Variants in PRPF8 observed in about 807,000 individuals in gnomAD.
PRPF8 encodes the protein pre-mRNA-processing-splicing factor 8.
Under a neutral mutation model 285.9 loss-of-function variants are expected in PRPF8, and 64 were observed. The ratio of observed to expected loss-of-function variants is 0.22; its 90% CI spans 0.18 to 0.28. The LOEUF is 0.28. Ranked by LOEUF, PRPF8 falls within the 10% of genes least tolerant of loss-of-function variation. PRPF8 has a pLI of 1.00. For missense variants in PRPF8, 1,426 were observed against 3,026.7 expected (o/e 0.47, Z 12.41); for synonymous variants, 1,325 against 1,118.2 (o/e 1.18, Z -3.69).
intron 6 of PRPF8, 141 bp downstream of exon 6, chr17:1,681,337 T>C: frequency 9.2e-7 from 1 of 1,091,230 alleles, no homozygotes; most frequent in Non-Finnish European, 1.4e-6. Flanking sequence ...TGCCTCAGCT[T>C]CCCAAAGTGC....
In PRPF8 at chr17:1,658,172, A is replaced by T. The variant is rs574880091; in HGVS notation, c.5505+81T>A. The T allele has an allele frequency of 1.3e-6, 2 of 1,599,130 alleles. No homozygotes were observed. Among genetic ancestry groups the T allele is most frequent in the African/African-American group, 1.3e-5 (1 of 74,692 alleles). Reference sequence around the variant, plus strand: ...GATGTTCTCAGCCTTTCATCTAATAAACCAGTAAATATTACCAAGTCCACC... The same window carrying T: ...GATGTTCTCAGCCTTTCATCTAATATACCAGTAAATATTACCAAGTCCACC... On this transcript the variant is annotated intron_variant, in intron 34 of 42. Transcript: ENST00000304992. The surrounding 1 kb of genome is among the most constrained non-coding windows in gnomAD (Gnocchi z 4.1).
At chr17:1,665,783 T>C (rs1567682451) in intron 24 of PRPF8, among the ~76,000 whole-genome samples, 1 of 148,300 alleles carries the variant, frequency 6.7e-6, no homozygotes, top group Non-Finnish European at 1.5e-5. Context: ...AGGGCGGAGG[T>C]TGCAGTGAGC....
chr17:1,683,640 C>T lies in PRPF8; in HGVS notation c.162G>A (p.Val54=), dbSNP rs1384400399. 1 of 1,614,170 alleles carries T rather than the reference C, an allele frequency of 6.2e-7. No individual in the cohort carries two copies. Among genetic ancestry groups the T allele is most frequent in the African/African-American group, 1.3e-5 (1 of 75,020 alleles). The stretch of plus-strand genomic sequence containing the variant: ...GGGGCATGTCTTCCTTCTGGGCATC[C>T]ACAAACCCAAACTTCCGCTTTTCTG... ...RYAEKRKFGF[V]DAQKEDMPPE... Residue 54 remains valine (V), a synonymous_variant, in exon 3 of 43, where the codon GTG becomes GTA. Transcript: ENST00000304992.
At position 1,676,682 on chromosome 17, in the gene PRPF8, A is replaced by G. The variant is rs1246274922; in HGVS notation, c.2211T>C (p.Asn737=). The G allele has an allele frequency of 1.7e-5, 28 of 1,614,004 alleles. No homozygotes were observed. The highest frequency in any genetic ancestry group is 2.3e-5 in the Non-Finnish European group (27 of 1,180,048). Residue 737 remains asparagine, a synonymous_variant, in exon 16 of 43, where the codon AAT becomes AAC. Coordinates refer to ENST00000304992, the MANE Select transcript of PRPF8 (RefSeq NM_006445.4). This position sits in a 1 kb window ranked among gnomAD's most constrained non-coding sequence, Gnocchi z 6.3. The stretch of plus-strand genomic sequence containing the variant: ...TGGCCTTCACGTATCGAAGGATCAT[A>G]TTCTCTATGGGCGTCGGCAGCCCAG... ...KVPGLPTPIE[N]MILRYVKAKA... is the part of the protein sequence containing the mutation.
chr17:1,677,644 T>A lies in PRPF8; in HGVS notation c.1905A>T (p.Arg635=). 6.2e-7 allele frequency: 1 copy of A among 1,613,682 alleles called. No individual in the cohort carries two copies. The part of the protein sequence containing the change: ...PGCGFWAAGW[R]VWLFFMRGIT... ...TGCCACGCATGAAAAAGAGCCAGAC[T>A]CGCCAACCGGCAGCCCAGAAGCCAC... Residue 635 remains arginine, a synonymous_variant, in exon 14 of 43, where the codon CGA becomes CGT. Transcript: ENST00000304992.
intron 37 of PRPF8, 44 bp downstream of exon 37, chr17:1,655,306 C>T: frequency 6.2e-7 from 1 of 1,608,526 alleles, no homozygotes; most frequent in South Asian, 1.1e-5. Context: ...CCCCAGAAAA[C>T]CGTATATAGA....
chr17:1,661,873 T>C lies in PRPF8; in HGVS notation c.4022+33A>G. On this transcript the variant is annotated intron_variant, in intron 25 of 42. Coordinates refer to ENST00000304992, the MANE Select transcript of PRPF8 (RefSeq NM_006445.4). This position sits in a 1 kb window ranked among gnomAD's most constrained non-coding sequence, Gnocchi z 7.3. ...CCCACTTCCCTTAGGGCCTGAGCAA[T>C]AGGGTTTAGAAATACGTTGAACCAG... The C allele has an allele frequency of 2.5e-6, 4 of 1,614,062 alleles. No homozygotes were observed. Among genetic ancestry groups the C allele is most frequent in the Non-Finnish European group, 3.4e-6 (4 of 1,180,020 alleles).
chr17:1,669,232 G>A (rs1245572144), intron 24 of PRPF8, among the ~76,000 whole-genome samples: 2 of 152,078 alleles, frequency 1.3e-5, no homozygotes, highest in African/African-American at 4.8e-5. Context: ...TCAGCCTCCC[G>A]AGTAGCTGAG....
intron 1 of PRPF8, 23 bp from the exon 2 acceptor site, chr17:1,684,605 A>T (rs2151133855): frequency 6.2e-7 from 1 of 1,608,462 alleles, no homozygotes; most frequent in East Asian, 2.2e-5. Flanking sequence ...GGGATAGAAA[A>T]ATTCACTAAC....
At position 1,679,875 on chromosome 17, in the gene PRPF8, G is replaced by A; in HGVS notation, c.1099-76C>T. ...ACTTAAGATGAGGGAAATTCTCTGG[G>A]GCCAAGCACAAAGCCTGTATCTGCT... On this transcript the variant is annotated intron_variant, in intron 8 of 42. Coordinates refer to ENST00000304992, the MANE Select transcript of PRPF8 (RefSeq NM_006445.4). This position sits in a 1 kb window ranked among gnomAD's most constrained non-coding sequence, Gnocchi z 4.7. 6.5e-7 allele frequency: 1 copy of A among 1,542,942 alleles called. No individual in the cohort carries two copies. Among genetic ancestry groups the A allele is most frequent in the African/African-American group, 1.4e-5 (1 of 73,654 alleles).
Position 1,656,637 on chromosome 17 carries a change from C to T in PRPF8, c.5619+11G>A. ...AGGTCTCTTTTCTCCTACCCCACCC[C>T]ACCCTCTTACCTCCAGTGGGTCCAG... On this transcript the variant is annotated intron_variant, in intron 35 of 42. Coordinates refer to ENST00000304992, the MANE Select transcript of PRPF8 (RefSeq NM_006445.4). 2.5e-6 allele frequency: 4 copies of T among 1,613,942 alleles called. No individual in the cohort carries two copies. The highest frequency in any genetic ancestry group is 3.4e-6 in the Non-Finnish European group (4 of 1,179,896).
Position 1,679,577 on chromosome 17 carries a change from A to G in PRPF8, c.1289+32T>C, listed in dbSNP as rs955118267. The G allele has an allele frequency of 8.1e-6, 13 of 1,611,796 alleles. No individual in the cohort carries two copies. Among genetic ancestry groups the G allele is most frequent in the Non-Finnish European group, 1.0e-5 (12 of 1,179,504 alleles). On this transcript the variant is annotated intron_variant, in intron 9 of 42. Transcript: ENST00000304992. The surrounding 1 kb of genome is among the most constrained non-coding windows in gnomAD (Gnocchi z 4.7). ...GAGTCTTTTCTCCTACACATCCACT[A>G]TCATTCCCCCTGCCACAGGGAAAAA... is the stretch of plus-strand genomic sequence containing the variant.
chr17:1,676,798 G>C lies in PRPF8; in HGVS notation c.2182-87C>G. The C allele has an allele frequency of 6.5e-7, 1 of 1,529,798 alleles. No homozygotes were observed. Among genetic ancestry groups the C allele is most frequent in the Non-Finnish European group, 9.0e-7 (1 of 1,111,446 alleles). 94.8% of individuals were successfully genotyped at this position (1,529,798 alleles called of 1,614,324 possible). A position where few individuals can be genotyped will look rare whatever the true frequency, so the allele number is the denominator to read the frequency against. On this transcript the variant is annotated intron_variant, in intron 15 of 42. Transcript: ENST00000304992. The surrounding 1 kb of genome is among the most constrained non-coding windows in gnomAD (Gnocchi z 6.3). ...AGTCCCGGCTACTCAGGAGGCTAAG[G>C]AGGATCGCTTGAGCTCAGGAGCTTG...
At chr17:1,670,419 C>T (rs1315356860) in intron 24 of PRPF8, among the ~76,000 whole-genome samples, 3 of 152,330 alleles carry the variant, frequency 2.0e-5, no homozygotes, top group South Asian at 2.1e-4. Flanking sequence ...CTGATTTTAT[C>T]TGCTAACTTC....
At position 1,678,319 on chromosome 17, in the gene PRPF8, CAAAA is replaced by C. The variant is rs1253769608; in HGVS notation, c.1854+195_1854+198del. The C allele has an allele frequency of 4.8e-6, 3 of 631,404 alleles. No individual in the cohort carries two copies. The East Asian group carries it at 8.9e-5, about 19-fold the overall frequency. The allele number at this position is 631,404 out of a possible 1,614,324, so 39.1% of individuals were successfully genotyped here. A position where few individuals can be genotyped will look rare whatever the true frequency, so the allele number is the denominator to read the frequency against. On this transcript the variant is annotated intron_variant, in intron 13 of 42. Coordinates refer to ENST00000304992, the MANE Select transcript of PRPF8 (RefSeq NM_006445.4). ...AACAGAGAAAGACTCAGTTTCAAAACAAAACAAAAAAAAAATTGCCAGGCGTGGT... is the reference window on the plus strand; with the variant it reads ...AACAGAGAAAGACTCAGTTTCAAAACCAAAAAAAAAATTGCCAGGCGTGGT...
Position 1,662,176 on chromosome 17 carries a change from T to C in PRPF8, c.3775-23A>G, listed in dbSNP as rs139744199. The stretch of plus-strand genomic sequence containing the variant: ...AATCTAAAGGTAGTAGAAAAAAAAG[T>C]AAATTACAGATGAGCCAGGGGCGGG... On this transcript the variant is annotated intron_variant, in intron 24 of 42. Coordinates refer to ENST00000304992, the MANE Select transcript of PRPF8 (RefSeq NM_006445.4). 6.2e-4 allele frequency: 1,000 copies of C among 1,613,832 alleles called. 8 individuals carry two copies. In the African/African-American group the frequency reaches 0.011, roughly 19 times the overall value.
chr17:1,663,384 T>G (rs1238295805), intron 24 of PRPF8, among the ~76,000 whole-genome samples: 1 of 152,084 alleles, frequency 6.6e-6, no homozygotes, highest in Non-Finnish European at 1.5e-5. Flanking sequence ...TTGAGGTATT[T>G]AGACCATTTG....
rs911681222 is a variant in PRPF8, at chr17:1,682,415, T to C, written c.270-122A>G. 7 of 1,288,388 alleles carry C rather than the reference T, an allele frequency of 5.4e-6. No individual in the cohort carries two copies. The East Asian group carries it at 1.6e-4, about 30-fold the overall frequency. 79.8% of individuals were successfully genotyped at this position (1,288,388 alleles called of 1,614,324 possible). ...ACCTTACAATCCAAACTCCCAAACTTAGCCCACAGGCCCTTCCTAACCAGA... is the reference window on the plus strand; with the variant it reads ...ACCTTACAATCCAAACTCCCAAACTCAGCCCACAGGCCCTTCCTAACCAGA... On this transcript the variant is annotated intron_variant, in intron 3 of 42. Transcript: ENST00000304992.
chr17:1,676,778 C>A lies in PRPF8; in HGVS notation c.2182-67G>T. The A allele has an allele frequency of 6.4e-7, 1 of 1,572,896 alleles. No homozygotes were observed. The highest frequency in any genetic ancestry group is 8.7e-7 in the Non-Finnish European group (1 of 1,147,992). ...GCACTGTGGCACACATCTGTAGTCC[C>A]GGCTACTCAGGAGGCTAAGGAGGAT... On this transcript the variant is annotated intron_variant, in intron 15 of 42. Transcript: ENST00000304992. The surrounding 1 kb of genome is among the most constrained non-coding windows in gnomAD (Gnocchi z 6.3).
Sources: allele counts gnomAD v4.1 joint callset (sites outside exome capture counted in the v4.1 genomes callset), GRCh38; gene constraint gnomAD v4.1.1; non-coding constraint Gnocchi (gnomAD v3.1); transcripts MANE v1.5; gene names NCBI Gene and HGNC (gene_info 2026-07-23, HGNC 2026-07-21).